Variants in SYNE1 observed in about 807,000 individuals in gnomAD.
The protein encoded by SYNE1 is nesprin-1.
A neutral mutation model predicts 1,111.0 loss-of-function variants in SYNE1; 616 were observed. The ratio of observed to expected loss-of-function variants is 0.55; its 90% CI spans 0.52 to 0.59. SYNE1 has a LOEUF of 0.59. SYNE1 is among the 20% of genes least tolerant of loss of function. The pLI is 0.00. For synonymous variants in SYNE1, 3,855 were observed against 3,825.8 expected, an observed-to-expected ratio of 1.01 and a Z score of -0.28; for missense variants, 10,006 against 10,417.0, an observed-to-expected ratio of 0.96 and a Z score of 1.72.
At chr6:152,337,367 G>A (rs1344396165) in intron 75 of SYNE1, among the ~76,000 whole-genome samples, 1 of 151,786 alleles carries the variant, frequency 6.6e-6, no homozygotes, top group East Asian at 1.9e-4. Flanking sequence ...TCGGCTCACA[G>A]CAATCTCTGC....
Position 152,331,199 on chromosome 6 carries a change from A to G in SYNE1, c.13486T>C (p.Cys4496Arg). ...TTGAGGCTGGCTTGTGCACTCTTAC[A>G]TGTTTTGACTTGTTTGCTCACATCA... ...PDDVSKQVKT[C>R]KSAQASLKTY... The change falls in exon 78 of 146, where the codon TGT becomes CGT. Residue 4496 changes from cysteine to arginine, a missense_variant. This residue lies in a region of SYNE1 where 4,955 missense variants were observed against 5,017.2 expected (regional missense o/e 0.99). Coordinates refer to ENST00000367255, the MANE Select transcript of SYNE1 (RefSeq NM_182961.4). The G allele has an allele frequency of 2.5e-6, 4 of 1,613,776 alleles. No individual in the cohort carries two copies. Among genetic ancestry groups the G allele is most frequent in the Non-Finnish European group, 3.4e-6 (4 of 1,180,010 alleles).
chr6:152,130,652 A>C, intron 145 of SYNE1, 68 bp downstream of exon 145: 1 of 1,561,826 alleles, frequency 6.4e-7, no homozygotes, highest in Admixed American at 1.7e-5. Context: ...GGTCAACCTA[A>C]GTCATGGACA....
Position 152,458,783 on chromosome 6 carries a change from T to A in SYNE1, c.2542A>T (p.Ser848Cys). Residue 848 changes from serine (S) to cysteine (C), a missense_variant, in exon 22 of 146, where the codon AGT becomes TGT. Coordinates refer to ENST00000367255, the MANE Select transcript of SYNE1 (RefSeq NM_182961.4). ...ITVLEREAQS[S>C]ALFKQKHQEL... ...TGATGTTTTTGTTTAAAAAGGGCACTCGATTGTGCCTCACGCTCAAGAACT... is the reference window on the plus strand; with the variant it reads ...TGATGTTTTTGTTTAAAAAGGGCACACGATTGTGCCTCACGCTCAAGAACT... 1 of 1,614,096 alleles carries A rather than the reference T, an allele frequency of 6.2e-7. No individual in the cohort carries two copies. Among genetic ancestry groups the A allele is most frequent in the South Asian group, 1.1e-5 (1 of 91,076 alleles).
chr6:152,583,172 T>C, intron 3 of SYNE1, among the ~76,000 whole-genome samples: 1 of 152,234 alleles, frequency 6.6e-6, no homozygotes, highest in East Asian at 1.9e-4. Flanking sequence ...GAGTTACCTT[T>C]GCTCAGATCC....
chr6:152,316,731 T>A, intron 87 of SYNE1, 118 bp downstream of exon 87: 2 of 1,218,618 alleles, frequency 1.6e-6, no homozygotes, highest in Non-Finnish European at 1.2e-6. Context: ...CTTAGCATTC[T>A]TTTTATCTGG....
At position 152,323,546 on chromosome 6, in the gene SYNE1, G is replaced by T; in HGVS notation, c.15849C>A (p.Ala5283=). The T allele has an allele frequency of 6.2e-7, 1 of 1,614,224 alleles. No individual in the cohort carries two copies. The highest frequency in any genetic ancestry group is 2.2e-5 in the East Asian group (1 of 44,886). ...GAGGCTCTTCCCCAGGGGTTGGGGC[G>T]GCTCCATCCTGGAGCATGCTCAGGG... is the stretch of plus-strand genomic sequence containing the variant. The part of the protein sequence containing the change: ...QQTLSMLQDG[A]APTPGEEPPL... The change falls in exon 82 of 146, where the codon GCC becomes GCA. Residue 5283 remains alanine, a synonymous_variant. Coordinates refer to ENST00000367255, the MANE Select transcript of SYNE1 (RefSeq NM_182961.4).
At chr6:152,376,934 A>C (rs1410789137) in intron 56 of SYNE1, 22 bp from the exon 57 acceptor site, 2 of 1,612,670 alleles carry the variant, frequency 1.2e-6, no homozygotes, top group African/African-American at 2.7e-5. Context: ...TAATGAGACA[A>C]AGAAGCGAGC....
chr6:152,594,455 G>C (rs1239830208), intron 3 of SYNE1, among the ~76,000 whole-genome samples: 3 of 152,118 alleles, frequency 2.0e-5, no homozygotes, highest in African/African-American at 7.2e-5. Flanking sequence ...AGATGGACAG[G>C]GAAGTGGTTC....
intron 120 of SYNE1, 76 bp from the exon 121 acceptor site, chr6:152,218,479 G>T: frequency 6.7e-7 from 1 of 1,486,460 alleles, no homozygotes; most frequent in South Asian, 1.2e-5. Flanking sequence ...CTGGTAAAAG[G>T]GCAAGTGGAT....
At chr6:152,422,699 G>C (rs2098285040) in intron 39 of SYNE1, among the ~76,000 whole-genome samples, 1 of 151,994 alleles carries the variant, frequency 6.6e-6, no homozygotes, top group Non-Finnish European at 1.5e-5. Flanking sequence ...TGTAAAGATG[G>C]GGTCTTGCTA....
In SYNE1 at chr6:152,419,608, A is replaced by T; in HGVS notation, c.5382T>A (p.Ile1794=). The change falls in exon 40 of 146, where the codon ATT becomes ATA. Residue 1794 remains isoleucine, a synonymous_variant. Transcript: ENST00000367255. The stretch of plus-strand genomic sequence containing the variant: ...GGGCTACTTGATGGTCCATTATGCT[A>T]ATCTCAGAGGTAGTTTGTAATTCAC... ...FLSELQTTSE[I]SIMDHQVALT... is the part of the protein sequence containing the mutation. 1 of 1,613,932 alleles carries T rather than the reference A, an allele frequency of 6.2e-7. No homozygotes were observed. The highest frequency in any genetic ancestry group is 8.5e-7 in the Non-Finnish European group (1 of 1,179,932).
At chr6:152,432,072 A>C (rs984432318) in intron 34 of SYNE1, among the ~76,000 whole-genome samples, 12 of 152,296 alleles carry the variant, frequency 7.9e-5, no homozygotes, top group African/African-American at 2.6e-4. Context: ...TCACTCAATC[A>C]TATTGTTGGA....
chr6:152,158,452 C>A (rs17082253), intron 131 of SYNE1, among the ~76,000 whole-genome samples: 32,998 of 151,990 alleles, frequency 0.22, 4,245 homozygotes, highest in African/African-American at 0.36. Flanking sequence ...AACATCTATG[C>A]AAACACTAGC....
chr6:152,318,973 T>TC lies in SYNE1; in HGVS notation c.16278dup (p.Ser5427GlufsTer13). 1 of 1,614,236 alleles carries TC rather than the reference T, an allele frequency of 6.2e-7. No homozygotes were observed. Among genetic ancestry groups the TC allele is most frequent in the Non-Finnish European group, 8.5e-7 (1 of 1,180,044 alleles). ...TGAATTTGCCGGCTGAGTTCCTGGC[T>TC]CGTGGCCTTGCTCTGCTCAACTTCT... On this transcript the variant is annotated frameshift_variant, in exon 85 of 146. Transcript: ENST00000367255. LOFTEE classifies it high-confidence loss of function.
intron 133 of SYNE1, among the ~76,000 whole-genome samples, chr6:152,152,791 T>C (rs879267466): frequency 9.2e-5 from 14 of 152,354 alleles, no homozygotes; most frequent in African/African-American, 2.4e-4. Flanking sequence ...GTTTCTTTTT[T>C]GTTGTTCCTG....
In SYNE1 at chr6:152,367,498, G is replaced by A. The variant is rs529908898; in HGVS notation, c.9808-116C>T. On this transcript the variant is annotated intron_variant, in intron 61 of 145. Transcript: ENST00000367255. ...ATGGCTTCATACGCTGCACAGATAC[G>A]AGGCAAGTCTGGCCTAAATCTATGA... is the stretch of plus-strand genomic sequence containing the variant. 3.1e-5 allele frequency: 37 copies of A among 1,199,804 alleles called. No individual in the cohort carries two copies. The African/African-American group carries it at 4.3e-4, about 14-fold the overall frequency. The allele number at this position is 1,199,804 out of a possible 1,614,324, so 74.3% of individuals were successfully genotyped here. A position where few individuals can be genotyped will look rare whatever the true frequency, so the allele number is the denominator to read the frequency against.
In SYNE1 at chr6:152,502,677, A is replaced by G; in HGVS notation, c.844T>C (p.Tyr282His). 6.2e-7 allele frequency: 1 copy of G among 1,613,992 alleles called. No individual in the cohort carries two copies. Residue 282 changes from tyrosine to histidine, a missense_variant, in exon 10 of 146, where the codon TAT becomes CAT. Physicochemically the swap from Tyr to His is moderately conservative, Grantham distance 83 (BLOSUM62 2). This residue lies in a region of SYNE1 where 1,971 missense variants were observed against 2,084.1 expected (regional missense o/e 0.95). Transcript: ENST00000367255. The stretch of plus-strand genomic sequence containing the variant: ...GTGCTTGCATTGTGGATGTCAGGAT[A>G]ATGTTTCAGAAACTGGGCTACATAG... ...MTYVAQFLKHYPDIHNASTDG... is the reference protein window; with the variant it reads ...MTYVAQFLKHHPDIHNASTDG...
At position 152,365,640 on chromosome 6, in the gene SYNE1, T is replaced by TC. The variant is rs1332720967; in HGVS notation, c.9973-622_9973-621insG. Among the ~76,000 whole-genome samples, 18 of 151,990 alleles carry TC rather than the reference T, an allele frequency of 1.2e-4. No individual in the cohort carries two copies. In the East Asian group the frequency reaches 3.5e-3, roughly 30 times the overall value. On this transcript the variant is annotated intron_variant, in intron 62 of 145. Transcript: ENST00000367255. Reference sequence around the variant, plus strand: ...ATGGCCAGCTAATTTAAATGTTTTTTTTTTTTTGTAAAGGTGAGGTCGATG... The same window carrying TC: ...ATGGCCAGCTAATTTAAATGTTTTTTCTTTTTTTGTAAAGGTGAGGTCGATG...
intron 58 of SYNE1, among the ~76,000 whole-genome samples, chr6:152,375,364 A>G (rs1314080966): frequency 1.3e-5 from 2 of 152,236 alleles, no homozygotes; most frequent in Non-Finnish European, 2.9e-5. Context: ...GTCTGCTCCT[A>G]CTAGAGACAC....
Sources: allele counts gnomAD v4.1 joint callset (sites outside exome capture counted in the v4.1 genomes callset), GRCh38; gene constraint gnomAD v4.1.1; regional missense constraint gnomAD v4.1.1; transcripts MANE v1.5; gene names NCBI Gene and HGNC (gene_info 2026-07-23, HGNC 2026-07-21).